Variants in SPSB1 observed in about 807,000 individuals in gnomAD.
SPSB1 encodes the protein splA/ryanodine receptor domain and SOCS box containing 1.
SPSB1 carries 8 observed loss-of-function variants against 21.2 expected under a neutral mutation model. The ratio of observed to expected loss-of-function variants is 0.38; its 90% CI spans 0.22 to 0.68. The LOEUF is 0.68. SPSB1 is among the 30% of genes least tolerant of loss of function. The pLI is 0.53. For missense variants in SPSB1, 242 were observed against 377.8 expected (o/e 0.64, Z 2.98); for synonymous variants, 169 against 161.7 (o/e 1.05, Z -0.34).
chr1:9,334,658 A>AC (rs1324481487), intron 1 of SPSB1, among the ~76,000 whole-genome samples: 1 of 150,200 alleles, frequency 6.7e-6, no homozygotes. Flanking sequence ...TTCGTCACTG[A>AC]CCCCCCATTC....
chr1:9,325,810 C>T (rs1225811693), intron 1 of SPSB1, among the ~76,000 whole-genome samples: 1 of 152,180 alleles, frequency 6.6e-6, no homozygotes, highest in African/African-American at 2.4e-5. Flanking sequence ...GACGTGGTGA[C>T]CTCAGAGCAG....
Position 9,355,960 on chromosome 1 carries a change from G to A in SPSB1, c.69G>A (p.Lys23=). 1 of 1,613,758 alleles carries A rather than the reference G, an allele frequency of 6.2e-7. No homozygotes were observed. Among genetic ancestry groups the A allele is most frequent in the Non-Finnish European group, 8.5e-7 (1 of 1,179,808 alleles). The change falls in exon 2 of 3, where the codon AAG becomes AAA. Residue 23 remains lysine (K), a synonymous_variant. Coordinates refer to ENST00000328089, the MANE Select transcript of SPSB1 (RefSeq NM_025106.4). ...DMRDPTYRPL[K]QELQGLDYCK... Reference sequence around the variant, plus strand: ...GGGACCCCACGTACAGGCCCCTGAAGCAGGAGCTCCAGGGTCTGGATTACT... The same window carrying A: ...GGGACCCCACGTACAGGCCCCTGAAACAGGAGCTCCAGGGTCTGGATTACT...
intron 2 of SPSB1, among the ~76,000 whole-genome samples, chr1:9,362,424 G>T (rs556735149): frequency 1.3e-5 from 2 of 152,358 alleles, no homozygotes; most frequent in Non-Finnish European, 2.9e-5. Flanking sequence ...GTAGTGTAGA[G>T]GAAAACACAC....
chr1:9,341,410 C>G (rs77777406), intron 1 of SPSB1, among the ~76,000 whole-genome samples: 2,052 of 152,358 alleles, frequency 0.013, 55 homozygotes, highest in African/African-American at 0.046. Flanking sequence ...TGCCTCCCCC[C>G]ACTAGACTGA....
rs145435274 is a variant in SPSB1 at position 9,343,350 on chromosome 1, C to A, written c.-149-12393C>A. Among the ~76,000 whole-genome samples, 4 of 143,458 alleles carry A rather than the reference C, an allele frequency of 2.8e-5. 1 individual carries two copies. The East Asian group carries it at 8.4e-4, about 30-fold the overall frequency. The allele number at this position is 143,458 out of a possible 152,430, so 94.1% of individuals were successfully genotyped here. A position where few individuals can be genotyped will look rare whatever the true frequency, so the allele number is the denominator to read the frequency against. ...CCTGGTCATTTCGTCGAAAGGGAAT[C>A]GTACAATGTGTGACCTTTTATATCT... is the stretch of plus-strand genomic sequence containing the variant. On this transcript the variant is annotated intron_variant, in intron 1 of 2. Transcript: ENST00000328089.
intron 1 of SPSB1, among the ~76,000 whole-genome samples, chr1:9,334,837 C>T (rs757939673): frequency 3.3e-5 from 5 of 152,214 alleles, no homozygotes; most frequent in Admixed American, 6.5e-5. Context: ...CTTCATATAA[C>T]GTGTTCAAGA....
chr1:9,339,556 A>G (rs933959071), intron 1 of SPSB1, among the ~76,000 whole-genome samples: 2 of 152,176 alleles, frequency 1.3e-5, no homozygotes, highest in East Asian at 3.9e-4. Flanking sequence ...AGTGAAAAGA[A>G]CATCGTTATA....
At chr1:9,360,902 C>T (rs1640460880) in intron 2 of SPSB1, among the ~76,000 whole-genome samples, 1 of 152,224 alleles carries the variant, frequency 6.6e-6, no homozygotes, top group Non-Finnish European at 1.5e-5. Flanking sequence ...AGGCCTTCCT[C>T]TCCCTGTGCT....
chr1:9,302,529 G>A (rs1639351719), intron 1 of SPSB1, among the ~76,000 whole-genome samples: 1 of 152,182 alleles, frequency 6.6e-6, no homozygotes, highest in African/African-American at 2.4e-5. Flanking sequence ...CTGGCTCTCT[G>A]TCCCGGAGCT....
intron 1 of SPSB1, among the ~76,000 whole-genome samples, chr1:9,304,873 A>G (rs1449400870): frequency 6.6e-6 from 1 of 152,006 alleles, no homozygotes; most frequent in Non-Finnish European, 1.5e-5. Context: ...GTGTCTCCCT[A>G]TGTTGCCCAG....
chr1:9,333,503 G>C (rs1639956171), intron 1 of SPSB1, among the ~76,000 whole-genome samples: 1 of 152,010 alleles, frequency 6.6e-6, no homozygotes, highest in South Asian at 2.1e-4. Context: ...GCTAATTTTT[G>C]TATTTTTAGT....
At chr1:9,334,631 C>A (rs998154599) in intron 1 of SPSB1, among the ~76,000 whole-genome samples, 1 of 152,218 alleles carries the variant, frequency 6.6e-6, no homozygotes, top group Non-Finnish European at 1.5e-5. Flanking sequence ...TCTTCCCCAA[C>A]GGAAACTCTG....
At chr1:9,341,827 T>C (rs1186788394) in intron 1 of SPSB1, among the ~76,000 whole-genome samples, 1 of 152,168 alleles carries the variant, frequency 6.6e-6, no homozygotes, top group African/African-American at 2.4e-5. Flanking sequence ...CTCAGCCTCC[T>C]GAGTAGCTGG....
In SPSB1 at chr1:9,363,134, T is replaced by C. The variant is rs934880489; in HGVS notation, c.695-4314T>C. On this transcript the variant is annotated intron_variant, in intron 2 of 2. Transcript: ENST00000328089. This position sits in a 1 kb window ranked among gnomAD's most constrained non-coding sequence, Gnocchi z 4.5. ...TTTCACGGCACGAAGCCCACGTCTGTTTCTGTGGCCATGCATTCTTGGTCT... is the reference window on the plus strand; with the variant it reads ...TTTCACGGCACGAAGCCCACGTCTGCTTCTGTGGCCATGCATTCTTGGTCT... Among the ~76,000 whole-genome samples the C allele has an allele frequency of 2.8e-4, 42 of 152,196 alleles. No homozygotes were observed. Among genetic ancestry groups the C allele is most frequent in the Admixed American group, 2.7e-3 (42 of 15,286 alleles).
chr1:9,334,996 A>T (rs920271027), intron 1 of SPSB1, among the ~76,000 whole-genome samples: 5 of 152,206 alleles, frequency 3.3e-5, no homozygotes, highest in African/African-American at 1.2e-4. Flanking sequence ...CAATGCTGCT[A>T]TGAACATGGG....
chr1:9,367,681 A>T lies in SPSB1; in HGVS notation c.*106A>T. 1.4e-6 allele frequency: 2 copies of T among 1,455,658 alleles called. No individual in the cohort carries two copies. Among genetic ancestry groups the T allele is most frequent in the Non-Finnish European group, 1.8e-6 (2 of 1,098,772 alleles). 90.2% of individuals were successfully genotyped at this position (1,455,658 alleles called of 1,614,324 possible). On this transcript the variant is annotated 3_prime_UTR_variant, in exon 3 of 3. Coordinates refer to ENST00000328089, the MANE Select transcript of SPSB1 (RefSeq NM_025106.4). The surrounding 1 kb of genome is among the most constrained non-coding windows in gnomAD (Gnocchi z 5.9). ...GCACCTTGGACCGGCATCCGTAGCC[A>T]TGGACAGAGGTCCCTGGTCTTCCCT...
chr1:9,306,271 C>T (rs1036642331), intron 1 of SPSB1, among the ~76,000 whole-genome samples: 1 of 152,248 alleles, frequency 6.6e-6, no homozygotes, highest in African/African-American at 2.4e-5. Flanking sequence ...CGTCCTGCAG[C>T]AGTCGGCTTT....
At position 9,356,032 on chromosome 1, in the gene SPSB1, C is replaced by T. The variant is rs201812930; in HGVS notation, c.141C>T (p.Ser47=). ...LDLLLDMPPV[S]YDVQLLHSWN... ...TGCTACTGGACATGCCCCCTGTGTC[C>T]TATGATGTCCAGCTGCTGCATTCAT... The change falls in exon 2 of 3, where the codon TCC becomes TCT. Residue 47 remains serine, a synonymous_variant. Transcript: ENST00000328089. The surrounding 1 kb of genome is among the most constrained non-coding windows in gnomAD (Gnocchi z 7.4). 6.2e-7 allele frequency: 1 copy of T among 1,614,160 alleles called. No homozygotes were observed. The highest frequency in any genetic ancestry group is 1.3e-5 in the African/African-American group (1 of 75,044).
rs780494144 is a variant in SPSB1 at position 9,293,935 on chromosome 1, AGT to A, written c.-150+869_-150+870del. 1.9e-4 allele frequency among the ~76,000 whole-genome samples: 29 copies of A among 150,310 alleles called. No homozygotes were observed. Among genetic ancestry groups the A allele is most frequent in the Admixed American group, 4.0e-4 (6 of 15,148 alleles). On this transcript the variant is annotated intron_variant, in intron 1 of 2. Transcript: ENST00000328089. This position sits in a 1 kb window ranked among gnomAD's most constrained non-coding sequence, Gnocchi z 5.1. ...GTGTGTTCATGTGGGTGTGTGTGTG[AGT>A]GTGTCTCTAAGTGCATCTGTGTATT...
Sources: allele counts gnomAD v4.1 joint callset (sites outside exome capture counted in the v4.1 genomes callset), GRCh38; gene constraint gnomAD v4.1.1; non-coding constraint Gnocchi (gnomAD v3.1); transcripts MANE v1.5; gene names NCBI Gene and HGNC (gene_info 2026-07-23, HGNC 2026-07-21).